Variants in ZSWIM3 observed in about 807,000 individuals in gnomAD.
ZSWIM3 encodes zinc finger SWIM-type containing 3, also known as zinc finger SWIM domain-containing protein 3.
Under a neutral mutation model 47.5 loss-of-function variants are expected in ZSWIM3, and 27 were observed. The ratio of observed to expected loss-of-function variants is 0.57; its 90% CI spans 0.42 to 0.78. ZSWIM3 has a LOEUF of 0.78. ZSWIM3 is among the 30% of genes least tolerant of loss of function. The pLI is 0.00. For synonymous variants in ZSWIM3, 333 were observed against 333.9 expected (o/e 1.00, Z 0.03); for missense variants, 689 against 861.3 (o/e 0.80, Z 2.50).
At chr20:45,866,660 G>T (rs56747673) in intron 1 of ZSWIM3, among the ~76,000 whole-genome samples, 1,701 of 152,098 alleles carry the variant, frequency 0.011, 37 homozygotes, top group African/African-American at 0.039. Flanking sequence ...AAATTAACTG[G>T]TCGTGGTGAC....
In ZSWIM3 at chr20:45,878,381, G is replaced by T; in HGVS notation, c.1823G>T (p.Gly608Val). 1 of 1,614,220 alleles carries T rather than the reference G, an allele frequency of 6.2e-7. No individual in the cohort carries two copies. The highest frequency in any genetic ancestry group is 8.5e-7 in the Non-Finnish European group (1 of 1,180,050). The stretch of plus-strand genomic sequence containing the variant: ...GATCGTGGTATGGTCCCAAACACAG[G>T]CCAGCCTGAGAAGCAAGGACGGAAC... ...LQDRGMVPNTGQPEKQGRNDM... is the reference protein window; with the variant it reads ...LQDRGMVPNTVQPEKQGRNDM... Residue 608 changes from glycine to valine, a missense_variant, in exon 2 of 2, where the codon GGC becomes GTC. By Grantham distance (109) the Gly-to-Val change is moderately radical. Coordinates refer to ENST00000255152, the MANE Select transcript of ZSWIM3 (RefSeq NM_080752.4).
intron 1 of ZSWIM3, among the ~76,000 whole-genome samples, chr20:45,868,497 C>T (rs981233184): frequency 2.6e-5 from 4 of 152,040 alleles, no homozygotes; most frequent in African/African-American, 9.7e-5. Flanking sequence ...TCACTGCAGC[C>T]TCAGCCTCCT....
rs746889152 is a variant in ZSWIM3, at chr20:45,857,961, T to G, written c.136T>G (p.Ser46Ala). 1.3e-6 allele frequency: 1 copy of G among 799,460 alleles called. No homozygotes were observed. The highest frequency in any genetic ancestry group is 6.0e-5 in the East Asian group (1 of 16,718). 49.5% of individuals were successfully genotyped at this position (799,460 alleles called of 1,614,324 possible). A position where few individuals can be genotyped will look rare whatever the true frequency, so the allele number is the denominator to read the frequency against. ...CTTCCACAACCTCAACCATGGCACC[T>G]CCATCCGCGAAGACATCCTGTAAGG... ...VRFHNLNHGT[S>A]IREDILYVQV... Residue 46 changes from serine to alanine, a missense_variant, in exon 1 of 2, where the codon TCC (serine) becomes GCC (alanine). Physicochemically the swap from Ser to Ala is moderately conservative, Grantham distance 99. Transcript: ENST00000255152.
intron 1 of ZSWIM3, among the ~76,000 whole-genome samples, chr20:45,860,838 T>C (rs1465964154): frequency 6.6e-6 from 1 of 152,228 alleles, no homozygotes; most frequent in Admixed American, 6.5e-5. Context: ...ACCTAACGTA[T>C]TCACAGAGTC....
In ZSWIM3 at chr20:45,878,136, G is replaced by A. The variant is rs767472153; in HGVS notation, c.1578G>A (p.Met526Ile). Residue 526 changes from methionine (M) to isoleucine (I), a missense_variant, in exon 2 of 2, where the codon ATG (methionine) becomes ATA (isoleucine). Physicochemically the swap from Met to Ile is conservative, Grantham distance 10. Coordinates refer to ENST00000255152, the MANE Select transcript of ZSWIM3 (RefSeq NM_080752.4). ...VVQNSTHLVD[M>I]AGSSVDVQLL... ...AGAACTCCACCCACCTGGTGGACAT[G>A]GCTGGCTCTTCAGTGGACGTTCAGC... The A allele has an allele frequency of 6.2e-7, 1 of 1,614,218 alleles. No individual in the cohort carries two copies. Among genetic ancestry groups the A allele is most frequent in the Admixed American group, 1.7e-5 (1 of 60,032 alleles).
rs762881127 is a variant in ZSWIM3 at position 45,877,260 on chromosome 20, C to T, written c.702C>T (p.Leu234=). 21 of 1,613,980 alleles carry T rather than the reference C, an allele frequency of 1.3e-5. No individual in the cohort carries two copies. Among genetic ancestry groups the T allele is most frequent in the Non-Finnish European group, 1.7e-5 (20 of 1,180,018 alleles). ...HRVENTQGHI[L]YAFLVENKER... Reference sequence around the variant, plus strand: ...TGGAGAACACCCAGGGCCACATCCTCTATGCTTTCTTGGTGGAGAACAAGG... The same window carrying T: ...TGGAGAACACCCAGGGCCACATCCTTTATGCTTTCTTGGTGGAGAACAAGG... Residue 234 remains leucine (L), a synonymous_variant, in exon 2 of 2, where the codon CTC becomes CTT. Coordinates refer to ENST00000255152, the MANE Select transcript of ZSWIM3 (RefSeq NM_080752.4).
At chr20:45,875,063 G>A (rs549551807) in intron 1 of ZSWIM3, among the ~76,000 whole-genome samples, 3 of 93,848 alleles carry the variant, frequency 3.2e-5, no homozygotes, top group Admixed American at 1.7e-4. Context: ...TTTTTTGACA[G>A]AGTCTCACTC....
chr20:45,875,457 C>T (rs895632266), intron 1 of ZSWIM3, among the ~76,000 whole-genome samples: 5 of 150,078 alleles, frequency 3.3e-5, no homozygotes, highest in African/African-American at 9.8e-5. Context: ...CTATAGCACC[C>T]AGCCTTCCTT....
chr20:45,875,272 G>C (rs1470609519), intron 1 of ZSWIM3, among the ~76,000 whole-genome samples: 1 of 151,940 alleles, frequency 6.6e-6, no homozygotes, highest in Admixed American at 6.6e-5. Flanking sequence ...TCGATCTCCT[G>C]ATCTCGTGAT....
rs74176827 is a variant in ZSWIM3, at chr20:45,859,423, GA to G, written c.155+1460del. On this transcript the variant is annotated intron_variant, in intron 1 of 1. Transcript: ENST00000255152. ...TGATAAATGCTTTAAAAGGAATGTG[GA>G]AAAAAAAAAAAAAAAAGAAATGTAC... is the stretch of plus-strand genomic sequence containing the variant. Among the ~76,000 whole-genome samples, 223 of 56,658 alleles carry G rather than the reference GA, an allele frequency of 3.9e-3. 2 individuals carry two copies. The highest frequency in any genetic ancestry group is 0.01 in the African/African-American group (148 of 14,174). 37.2% of individuals were successfully genotyped at this position (56,658 alleles called of 152,430 possible).
At chr20:45,860,327 C>T (rs2145784794) in intron 1 of ZSWIM3, among the ~76,000 whole-genome samples, 1 of 151,984 alleles carries the variant, frequency 6.6e-6, no homozygotes, top group South Asian at 2.1e-4. Context: ...CCATCCTGGC[C>T]AACATGGTGA....
chr20:45,861,468 C>T (rs1985706876), intron 1 of ZSWIM3, among the ~76,000 whole-genome samples: 1 of 150,892 alleles, frequency 6.6e-6, no homozygotes, highest in African/African-American at 2.4e-5. Flanking sequence ...TGTTTGCACG[C>T]ACATACAAAA....
chr20:45,861,992 ACACTC>A (rs1985719054), intron 1 of ZSWIM3, among the ~76,000 whole-genome samples: 2 of 151,932 alleles, frequency 1.3e-5, no homozygotes, highest in Admixed American at 1.3e-4. Context: ...TCATGCCACT[ACACTC>A]CAGCCTGGGC....
At chr20:45,861,111 C>A (rs935667523) in intron 1 of ZSWIM3, among the ~76,000 whole-genome samples, 1 of 151,960 alleles carries the variant, frequency 6.6e-6, no homozygotes, top group African/African-American at 2.4e-5. Flanking sequence ...CCCGTCTCCA[C>A]AAAACAAAAT....
intron 1 of ZSWIM3, 150 bp from the exon 2 acceptor site, chr20:45,876,564 C>T: frequency 2.1e-6 from 2 of 932,762 alleles, no homozygotes; most frequent in East Asian, 2.6e-5. Flanking sequence ...GTCTCAGACT[C>T]CTGGGCTCAA....
At chr20:45,859,816 A>AAAAAAAAC (rs146830909) in intron 1 of ZSWIM3, among the ~76,000 whole-genome samples, 1 of 129,382 alleles carries the variant, frequency 7.7e-6, no homozygotes, top group Admixed American at 9.0e-5. Context: ...AAAAAAAAAA[A>AAAAAAAAC]CCACAGTTGC....
At chr20:45,873,643 TAAC>T (rs1986026033) in intron 1 of ZSWIM3, among the ~76,000 whole-genome samples, 1 of 152,214 alleles carries the variant, frequency 6.6e-6, no homozygotes, top group Admixed American at 6.5e-5. Flanking sequence ...TTAATCTTAA[TAAC>T]AACCATAAGA....
chr20:45,857,617 A>T lies in ZSWIM3; in HGVS notation c.-209A>T. 1.5e-6 allele frequency: 1 copy of T among 676,066 alleles called. No homozygotes were observed. The highest frequency in any genetic ancestry group is 1.9e-5 in the South Asian group (1 of 53,826). The allele number at this position is 676,066 out of a possible 1,614,324, so 41.9% of individuals were successfully genotyped here. A position where few individuals can be genotyped will look rare whatever the true frequency, so the allele number is the denominator to read the frequency against. On this transcript the variant is annotated 5_prime_UTR_variant, in exon 1 of 2. Transcript: ENST00000255152. ...TGGACTGAGTGTCATTTCCCCTGTC[A>T]GATAGCAAATACACCCCCTTCCTCT... is the stretch of plus-strand genomic sequence containing the variant.
Position 45,870,965 on chromosome 20 carries a change from G to A in ZSWIM3, c.156-5749G>A, listed in dbSNP as rs145920144. ...CTACCTTGGCCTCCCAAAATGCTAG[G>A]ATTACAGGTGTGAGCCACGGCGCCC... On this transcript the variant is annotated intron_variant, in intron 1 of 1. Coordinates refer to ENST00000255152, the MANE Select transcript of ZSWIM3 (RefSeq NM_080752.4). Among the ~76,000 whole-genome samples, 718 of 152,306 alleles carry A rather than the reference G, an allele frequency of 4.7e-3. 4 individuals are homozygous for A. The highest frequency in any genetic ancestry group is 0.016 in the African/African-American group (681 of 41,568).
Sources: allele counts gnomAD v4.1 joint callset (sites outside exome capture counted in the v4.1 genomes callset), GRCh38; gene constraint gnomAD v4.1.1; transcripts MANE v1.5; gene names NCBI Gene and HGNC (gene_info 2026-07-23, HGNC 2026-07-21).